Variants in SCOC observed in about 807,000 individuals in gnomAD.
The protein encoded by SCOC is short coiled coil protein.
Under a neutral mutation model 9.9 loss-of-function variants are expected in SCOC, and 7 were observed. That is an observed-to-expected ratio of 0.71 (90% CI 0.40 to 1.33). The LOEUF (loss-of-function observed/expected upper bound fraction) is 1.33. SCOC is among the 40% of genes most tolerant of loss of function. The pLI is 0.01. For missense variants in SCOC, 66 were observed against 89.7 expected, an observed-to-expected ratio of 0.74 and a Z score of 1.07; for synonymous variants, 19 against 28.2, an observed-to-expected ratio of 0.67 and a Z score of 1.03.
chr4:140,282,442 T>C (rs1731122110), intron 1 of SCOC, among the ~76,000 whole-genome samples: 1 of 152,210 alleles, frequency 6.6e-6, no homozygotes, highest in South Asian at 2.1e-4. Context: ...AATCTACGCT[T>C]TGTTCTCTGT....
At chr4:140,302,678 G>A (rs1261334229) in intron 1 of SCOC, among the ~76,000 whole-genome samples, 1 of 152,146 alleles carries the variant, frequency 6.6e-6, no homozygotes, top group African/African-American at 2.4e-5. Context: ...GATTTGCTAA[G>A]ATTAGAAGAG....
intron 1 of SCOC, among the ~76,000 whole-genome samples, chr4:140,327,142 GTTTATGTTAAA>G: frequency 1.3e-5 from 2 of 152,272 alleles, no homozygotes; most frequent in South Asian, 4.1e-4. Context: ...ACAAAATTTA[GTTTATGTTAAA>G]TTTGGCCCTT....
At chr4:140,262,630 C>T (rs960086404) in intron 1 of SCOC, among the ~76,000 whole-genome samples, 19 of 152,150 alleles carry the variant, frequency 1.2e-4, no homozygotes, top group South Asian at 4.2e-4. Context: ...TATGAGAGAA[C>T]GTATTAGTCG....
At chr4:140,333,265 C>T (rs1732871662) in intron 1 of SCOC, among the ~76,000 whole-genome samples, 1 of 152,160 alleles carries the variant, frequency 6.6e-6, no homozygotes, top group African/African-American at 2.4e-5. Flanking sequence ...CTATCACTCT[C>T]TGTGTGCCTT....
At chr4:140,323,210 CTTG>C (rs1406175853) in intron 1 of SCOC, among the ~76,000 whole-genome samples, 2 of 152,014 alleles carry the variant, frequency 1.3e-5, no homozygotes, top group Non-Finnish European at 1.5e-5. Flanking sequence ...CACATGAGAT[CTTG>C]TTGTTTAGAA....
At chr4:140,274,947 A>C (rs951806223) in intron 1 of SCOC, among the ~76,000 whole-genome samples, 2 of 152,160 alleles carry the variant, frequency 1.3e-5, no homozygotes, top group Non-Finnish European at 2.9e-5. Flanking sequence ...TCTTGCTTCT[A>C]ATCTAGATCT....
intron 1 of SCOC, among the ~76,000 whole-genome samples, chr4:140,332,424 T>G (rs1732845842): frequency 7.6e-6 from 1 of 132,368 alleles, no homozygotes; most frequent in Non-Finnish European, 1.6e-5. Context: ...CAGGCTGGAG[T>G]GCAGAGTGCA....
intron 1 of SCOC, among the ~76,000 whole-genome samples, chr4:140,291,910 G>C (rs762685308): frequency 6.6e-6 from 1 of 152,168 alleles, no homozygotes; most frequent in Non-Finnish European, 1.5e-5. Flanking sequence ...ACTCATTATA[G>C]TTTATGCTTG....
At chr4:140,264,473 A>G (rs1730694088) in intron 1 of SCOC, among the ~76,000 whole-genome samples, 1 of 152,194 alleles carries the variant, frequency 6.6e-6, no homozygotes, top group Non-Finnish European at 1.5e-5. Context: ...TAAAGATCTT[A>G]GTTCCTAGCA....
At chr4:140,358,254 G>A (rs1366677586) in intron 2 of SCOC, among the ~76,000 whole-genome samples, 3 of 152,270 alleles carry the variant, frequency 2.0e-5, no homozygotes, top group Non-Finnish European at 2.9e-5. Context: ...TTGAGTTTAC[G>A]CACTTGTAAT....
At chr4:140,356,741 T>G (rs1727246704) in intron 2 of SCOC, among the ~76,000 whole-genome samples, 1 of 152,234 alleles carries the variant, frequency 6.6e-6, no homozygotes, top group Non-Finnish European at 1.5e-5. Context: ...TTTGAGCTCT[T>G]GATTACGGGT....
At chr4:140,264,153 C>G (rs182287516) in intron 1 of SCOC, among the ~76,000 whole-genome samples, 17 of 152,264 alleles carry the variant, frequency 1.1e-4, no homozygotes, top group Non-Finnish European at 2.2e-4. Context: ...GCATGCACCA[C>G]CACGCCCAGC....
intron 1 of SCOC, among the ~76,000 whole-genome samples, chr4:140,287,581 A>G (rs1403764133): frequency 6.6e-6 from 1 of 152,048 alleles, no homozygotes; most frequent in Non-Finnish European, 1.5e-5. Flanking sequence ...ATGCACATGC[A>G]TATACCATAT....
chr4:140,373,772 C>G, intron 1 of SCOC, 55 bp downstream of exon 1: 1 of 1,494,476 alleles, frequency 6.7e-7, no homozygotes, highest in Non-Finnish European at 9.0e-7. Flanking sequence ...AGAGCTGCAT[C>G]CTCAGTACCT....
At chr4:140,258,442 A>C (rs553763524) in intron 1 of SCOC, among the ~76,000 whole-genome samples, 3 of 152,238 alleles carry the variant, frequency 2.0e-5, no homozygotes, top group African/African-American at 7.2e-5. Flanking sequence ...TTTTTGATTA[A>C]GGGTTACCCT....
chr4:140,335,635 C>A (rs1257367016), intron 1 of SCOC, among the ~76,000 whole-genome samples: 1 of 152,148 alleles, frequency 6.6e-6, no homozygotes, highest in Non-Finnish European at 1.5e-5. Flanking sequence ...CTCCTGATTG[C>A]ATACACTCCA....
chr4:140,342,965 A>G (rs1726562630), upstream of SCOC, among the ~76,000 whole-genome samples: 1 of 151,736 alleles, frequency 6.6e-6, no homozygotes, highest in Non-Finnish European at 1.5e-5. Flanking sequence ...TCAATATATA[A>G]TCTTATTTCT....
At chr4:140,287,153 G>C (rs188258760) in intron 1 of SCOC, among the ~76,000 whole-genome samples, 29 of 150,802 alleles carry the variant, frequency 1.9e-4, no homozygotes, top group African/African-American at 6.9e-4. Context: ...ATGCCACACA[G>C]ACCATGTACA....
intron 2 of SCOC, among the ~76,000 whole-genome samples, chr4:140,348,273 T>C (rs916760772): frequency 1.3e-5 from 2 of 152,186 alleles, no homozygotes; most frequent in African/African-American, 4.8e-5. Flanking sequence ...TCTTGTCGAA[T>C]TGAAATTTTG....
Sources: gnomAD v4.1 joint callset for allele counts (sites outside exome capture counted in the v4.1 genomes callset) on GRCh38, gnomAD v4.1.1 for gene constraint, MANE v1.5 for transcripts, NCBI Gene and HGNC (gene_info 2026-07-23, HGNC 2026-07-21) for gene names.